Variants in CCSER1 observed in about 807,000 individuals in gnomAD.
CCSER1 encodes coiled-coil serine rich protein 1.
In CCSER1, 41 loss-of-function variants were observed where a neutral mutation model predicts 82.0. The observed-to-expected ratio is 0.50, with a 90% CI of 0.39 to 0.65. The LOEUF (loss-of-function observed/expected upper bound fraction) is 0.65, where lower values mean the gene tolerates loss of function less well. Ranked by LOEUF, CCSER1 falls within the 30% of genes least tolerant of loss-of-function variation. CCSER1 has a pLI of 0.00. For synonymous variants in CCSER1, 414 were observed against 383.9 expected, an observed-to-expected ratio of 1.08 and a Z score of -0.92; for missense variants, 1,119 against 1,064.2, an observed-to-expected ratio of 1.05 and a Z score of -0.72.
At chr4:90,191,872 C>T (rs907886142) in intron 1 of CCSER1, among the ~76,000 whole-genome samples, 1 of 152,048 alleles carries the variant, frequency 6.6e-6, no homozygotes, top group Non-Finnish European at 1.5e-5. Context: ...TAATCTGTGA[C>T]TTTTAGAATG....
intron 9 of CCSER1, among the ~76,000 whole-genome samples, chr4:91,018,180 C>G (rs1164496453): frequency 6.6e-6 from 1 of 152,008 alleles, no homozygotes; most frequent in Non-Finnish European, 1.5e-5. Context: ...ATTTATTTAG[C>G]TCAGTACTCT....
chr4:91,503,712 G>A (rs1759341382), intron 10 of CCSER1, among the ~76,000 whole-genome samples: 1 of 152,076 alleles, frequency 6.6e-6, no homozygotes, highest in Non-Finnish European at 1.5e-5. Context: ...AGATTAATAT[G>A]TGCGTAAAAA....
At chr4:90,278,126 G>C (rs1728174715) in intron 1 of CCSER1, among the ~76,000 whole-genome samples, 2 of 152,058 alleles carry the variant, frequency 1.3e-5, no homozygotes, top group Non-Finnish European at 1.5e-5. Context: ...AAATCACAGT[G>C]AGATACCATC....
chr4:91,563,870 C>G (rs1762767914), intron 10 of CCSER1, among the ~76,000 whole-genome samples: 1 of 151,668 alleles, frequency 6.6e-6, no homozygotes, highest in African/African-American at 2.4e-5. Flanking sequence ...AATAAGCATA[C>G]AAAGTTAGTT....
chr4:90,717,965 C>G (rs1241991599), intron 6 of CCSER1, among the ~76,000 whole-genome samples: 1 of 151,732 alleles, frequency 6.6e-6, no homozygotes, highest in African/African-American at 2.4e-5. Flanking sequence ...GTACTCAATA[C>G]TTTTTGAATG....
chr4:91,147,335 C>A (rs11932724), intron 10 of CCSER1, among the ~76,000 whole-genome samples: 110,910 of 152,076 alleles, frequency 0.73, 40,712 homozygotes, highest in Non-Finnish European at 0.78. Context: ...CCCCAGGAGC[C>A]GGCCCAGCCA....
intron 10 of CCSER1, among the ~76,000 whole-genome samples, chr4:91,452,222 T>G (rs1755908599): frequency 6.6e-6 from 1 of 152,016 alleles, no homozygotes; most frequent in South Asian, 2.1e-4. Context: ...AATTTAAATG[T>G]CTTCAAGTAG....
chr4:90,965,093 C>A (rs1734433781), intron 9 of CCSER1, among the ~76,000 whole-genome samples: 1 of 152,046 alleles, frequency 6.6e-6, no homozygotes, highest in Non-Finnish European at 1.5e-5. Flanking sequence ...ATTTACAAGA[C>A]TTGTTTTTAT....
chr4:91,540,758 G>C (rs897916460), intron 10 of CCSER1, among the ~76,000 whole-genome samples: 2 of 152,016 alleles, frequency 1.3e-5, no homozygotes, highest in African/African-American at 4.8e-5. Flanking sequence ...ATTTGTTTTT[G>C]CATGTGGATG....
intron 3 of CCSER1, among the ~76,000 whole-genome samples, chr4:90,382,619 A>AT (rs1451214556): frequency 6.6e-6 from 1 of 152,074 alleles, no homozygotes; most frequent in Admixed American, 6.6e-5. Context: ...GGAAATTCTA[A>AT]TTTACAAGAA....
At chr4:90,565,364 C>T (rs1560728193) in intron 5 of CCSER1, among the ~76,000 whole-genome samples, 1 of 151,946 alleles carries the variant, frequency 6.6e-6, no homozygotes, top group Non-Finnish European at 1.5e-5. Flanking sequence ...ATTTTGTATC[C>T]TGAAACTTAA....
At chr4:91,311,225 T>C (rs970511247) in intron 10 of CCSER1, among the ~76,000 whole-genome samples, 31 of 152,048 alleles carry the variant, frequency 2.0e-4, no homozygotes, top group African/African-American at 7.2e-4. Context: ...TTTCAGGACT[T>C]TTAAGTACCT....
At chr4:91,430,593 C>G (rs1242178619) in intron 10 of CCSER1, among the ~76,000 whole-genome samples, 1 of 152,134 alleles carries the variant, frequency 6.6e-6, no homozygotes, top group Non-Finnish European at 1.5e-5. Flanking sequence ...ATTTAGTTCT[C>G]AATTGACTTA....
intron 1 of CCSER1, among the ~76,000 whole-genome samples, chr4:90,237,673 A>G (rs1746049730): frequency 6.6e-6 from 1 of 152,228 alleles, no homozygotes; most frequent in African/African-American, 2.4e-5. Flanking sequence ...CAACCTACCT[A>G]TATATGAAGC....
intron 10 of CCSER1, among the ~76,000 whole-genome samples, chr4:91,144,508 G>C (rs1016418076): frequency 6.6e-6 from 1 of 151,084 alleles, no homozygotes. Context: ...GTACCTTTGG[G>C]GCTAGTTTGT....
chr4:90,641,818 T>C (rs6838994), intron 6 of CCSER1: 24 of 198,154 alleles, frequency 1.2e-4, no homozygotes, highest in Non-Finnish European at 9.8e-5. Flanking sequence ...ACCCACAGTT[T>C]TAACAATAAT....
At position 90,185,235 on chromosome 4, in the gene CCSER1, C is replaced by G. The variant is rs72876145; in HGVS notation, c.-42+57404C>G. ...TTCCCTGGACCTTTATTTCAACCTG[C>G]ATTCATTCAACAGATGCCTTCTGAG... On this transcript the variant is annotated intron_variant, in intron 1 of 10. Transcript: ENST00000509176. 7.5e-3 allele frequency among the ~76,000 whole-genome samples: 1,148 copies of G among 152,114 alleles called. 18 individuals carry two copies. Among genetic ancestry groups the G allele is most frequent in the African/African-American group, 0.026 (1,088 of 41,514 alleles).
chr4:90,924,024 G>A (rs958056171), intron 9 of CCSER1, among the ~76,000 whole-genome samples: 1 of 152,076 alleles, frequency 6.6e-6, no homozygotes, highest in South Asian at 2.1e-4. Flanking sequence ...AGTAACACTG[G>A]ATGATTTGGG....
chr4:90,313,200 A>G (rs1735614327), intron 3 of CCSER1, 153 bp downstream of exon 3: 2 of 653,170 alleles, frequency 3.1e-6, no homozygotes, highest in African/African-American at 1.8e-5. Context: ...AGTCAGAGAA[A>G]CAAATTTTTC....
Sources: allele counts gnomAD v4.1 joint callset (sites outside exome capture counted in the v4.1 genomes callset), GRCh38; gene constraint gnomAD v4.1.1; transcripts MANE v1.5; gene names NCBI Gene and HGNC (gene_info 2026-07-23, HGNC 2026-07-21).